ATM: variants seen among roughly 807,000 people sequenced by gnomAD.
ATM encodes the protein serine-protein kinase ATM.
In ATM, 308 loss-of-function variants were observed where a neutral mutation model predicts 387.0. That is an observed-to-expected ratio of 0.80 (90% CI 0.73 to 0.87). The LOEUF is 0.87. Among genes scored for constraint, ATM ranks in the 40% least tolerant of loss-of-function variants. The pLI is 0.00. For synonymous variants in ATM, 1,156 were observed against 1,187.3 expected, an observed-to-expected ratio of 0.97 and a Z score of 0.54; for missense variants, 3,312 against 3,560.9, an observed-to-expected ratio of 0.93 and a Z score of 1.78.
intron 7 of ATM, 38 bp from the exon 8 acceptor site, chr11:108,246,926 C>G (rs2135263630): frequency 6.6e-7 from 1 of 1,524,118 alleles, no homozygotes; most frequent in Non-Finnish European, 9.1e-7. Context: ...AAACAGAGTA[C>G]ATACATAAAA....
At chr11:108,268,972 A>G (rs1279590102) in intron 18 of ATM, among the ~76,000 whole-genome samples, 1 of 152,098 alleles carries the variant, frequency 6.6e-6, no homozygotes, top group African/African-American at 2.4e-5. Context: ...AGTTTTTTGG[A>G]TTTGATTTCA....
Position 108,304,878 on chromosome 11 carries a change from A to AACAG in ATM, c.5674+26_5674+27insACAG. ...GTATTCTATTAAATTTTTAACATTAATACTGTAAACTCAGTTCTAGAGAAA... is the reference window on the plus strand; with the variant it reads ...GTATTCTATTAAATTTTTAACATTAAACAGTACTGTAAACTCAGTTCTAGAGAAA... On this transcript the variant is annotated intron_variant, in intron 37 of 62. Coordinates refer to ENST00000675843, the MANE Select transcript of ATM (RefSeq NM_000051.4). 3 of 1,608,184 alleles carry AACAG rather than the reference A, an allele frequency of 1.9e-6. No homozygotes were observed. The South Asian group carries it at 3.3e-5, about 18-fold the overall frequency.
At chr11:108,252,988 G>C (rs1565388183) in intron 12 of ATM, 76 bp downstream of exon 12, 3 of 1,259,510 alleles carry the variant, frequency 2.4e-6, no homozygotes, top group Non-Finnish European at 3.4e-6. Flanking sequence ...TAGCTGGGTA[G>C]TAGCTGCATC....
Position 108,272,812 on chromosome 11 carries a change from C to T in ATM, c.3244C>T (p.His1082Tyr), listed in dbSNP as rs1302626569. 1 of 1,613,938 alleles carries T rather than the reference C, an allele frequency of 6.2e-7. No individual in the cohort carries two copies. The highest frequency in any genetic ancestry group is 8.5e-7 in the Non-Finnish European group (1 of 1,179,986). The change falls in exon 22 of 63, where the codon CAT (histidine) becomes TAT (tyrosine). Residue 1082 changes from histidine to tyrosine, a missense_variant. His to Tyr is a moderately conservative substitution (Grantham distance 83, BLOSUM62 2). This residue lies in a region of ATM where 1,791 missense variants were observed against 1,804.5 expected (regional missense o/e 0.99). Transcript: ENST00000675843. Reference sequence around the variant, plus strand: ...ATTTACACAATTTCTTGCTGACAATCATCACCAAGTTCGCATGTTGGCTGC... The same window carrying T: ...ATTTACACAATTTCTTGCTGACAATTATCACCAAGTTCGCATGTTGGCTGC... ...EVFTQFLADNHHQVRMLAAES... is the reference protein window; with the variant it reads ...EVFTQFLADNYHQVRMLAAES...
chr11:108,237,827 GA>G (rs1029159457), intron 5 of ATM, among the ~76,000 whole-genome samples: 18 of 149,984 alleles, frequency 1.2e-4, no homozygotes, highest in African/African-American at 4.4e-4. Flanking sequence ...TGCACAATTT[GA>G]GAAGAATAGA....
In ATM at chr11:108,250,782, A is replaced by G. The variant is rs1232968268; in HGVS notation, c.1317A>G (p.Leu439=). ...NCELSPLLMI[L]SQLLPQQRHG... ...AGCTGTCTCCATTACTGATGATACTATCTCAGCTTCTACCCCAACAGCGAC... is the reference window on the plus strand; with the variant it reads ...AGCTGTCTCCATTACTGATGATACTGTCTCAGCTTCTACCCCAACAGCGAC... The change falls in exon 10 of 63, where the codon CTA becomes CTG. Residue 439 remains leucine (L), a synonymous_variant. Coordinates refer to ENST00000675843, the MANE Select transcript of ATM (RefSeq NM_000051.4). The G allele has an allele frequency of 3.7e-6, 6 of 1,613,134 alleles. No homozygotes were observed. The highest frequency in any genetic ancestry group is 1.1e-5 in the South Asian group (1 of 91,078).
At chr11:108,285,570 G>A (rs981795606) in intron 26 of ATM, among the ~76,000 whole-genome samples, 4 of 151,470 alleles carry the variant, frequency 2.6e-5, no homozygotes, top group African/African-American at 9.7e-5. Flanking sequence ...TAAGGGATAA[G>A]TAACCAAACT....
intron 37 of ATM, among the ~76,000 whole-genome samples, chr11:108,306,811 C>T (rs599558): frequency 0.55 from 83,144 of 152,076 alleles, 23,163 homozygotes; most frequent in Middle Eastern, 0.75. Context: ...CTTCTTCATC[C>T]CTTCCCCCAG....
At position 108,315,912 on chromosome 11, in the gene ATM, G is replaced by A. The variant is rs587781584; in HGVS notation, c.6095+1G>A. ...GGAAGATGTTACAACCCATTACTAG[G>A]TAAATTGCATTTTTCTAAACAACGG... On this transcript the variant is annotated splice_donor_variant, in intron 41 of 62. Transcript: ENST00000675843. LOFTEE classifies it high-confidence loss of function. 6.2e-7 allele frequency: 1 copy of A among 1,610,354 alleles called. No homozygotes were observed. The highest frequency in any genetic ancestry group is 8.5e-7 in the Non-Finnish European group (1 of 1,176,750).
intron 57 of ATM, among the ~76,000 whole-genome samples, chr11:108,344,178 TG>T (rs2087978711): frequency 1.3e-5 from 2 of 152,180 alleles, no homozygotes; most frequent in Admixed American, 1.3e-4. Flanking sequence ...GGTGTTGTGA[TG>T]GAAGTCTGTA....
At chr11:108,275,713 G>T (rs1171385134) in intron 22 of ATM, among the ~76,000 whole-genome samples, 1 of 152,196 alleles carries the variant, frequency 6.6e-6, no homozygotes, top group African/African-American at 2.4e-5. Context: ...GGCTTGTAAG[G>T]TTTCTGCCGA....
intron 5 of ATM, among the ~76,000 whole-genome samples, chr11:108,241,738 CTTTCTTTTTTTT>C (rs1014040479): frequency 2.4e-5 from 2 of 82,090 alleles, no homozygotes; most frequent in Non-Finnish European, 4.9e-5. Context: ...GTCTTTCTTT[CTTTCTTTTTTTT>C]TTTTTTTTTT....
chr11:108,257,978 C>G (rs1394596294), intron 15 of ATM, among the ~76,000 whole-genome samples: 1 of 152,166 alleles, frequency 6.6e-6, no homozygotes, highest in Non-Finnish European at 1.5e-5. Context: ...CTCACAGCAG[C>G]CTCGACCTCC....
chr11:108,302,393 G>C (rs2083475842), intron 35 of ATM, among the ~76,000 whole-genome samples: 1 of 152,098 alleles, frequency 6.6e-6, no homozygotes, highest in Non-Finnish European at 1.5e-5. Context: ...CATTGAAGCA[G>C]TACTTTCAGT....
intron 25 of ATM, among the ~76,000 whole-genome samples, chr11:108,284,009 TATG>T (rs1409329922): frequency 6.6e-6 from 1 of 152,144 alleles, no homozygotes. Flanking sequence ...ATCCCATAAT[TATG>T]GTGGTGGTAT....
At chr11:108,302,484 G>A (rs1169206484) in intron 35 of ATM, among the ~76,000 whole-genome samples, 1 of 151,936 alleles carries the variant, frequency 6.6e-6, no homozygotes, top group African/African-American at 2.4e-5. Context: ...AACCTGGAAG[G>A]CATTATAATT....
chr11:108,263,872 A>T (rs1175305878), intron 16 of ATM, among the ~76,000 whole-genome samples: 1 of 151,078 alleles, frequency 6.6e-6, no homozygotes, highest in African/African-American at 2.4e-5. Flanking sequence ...AATAAACTAG[A>T]AAATCTAGAA....
Position 108,267,205 on chromosome 11 carries a change from A to T in ATM, c.2501A>T (p.Glu834Val), listed in dbSNP as rs730881349. The change falls in exon 17 of 63, where the codon GAA becomes GTA. Residue 834 changes from glutamate (E) to valine (V), a missense_variant. Around this residue, in one of 4 missense-constraint regions of ATM, gnomAD observed 1,791 missense variants for 1,804.5 expected, o/e 0.99. Coordinates refer to ENST00000675843, the MANE Select transcript of ATM (RefSeq NM_000051.4). ...SFIKKPFDRG[E>V]VESMEDDTNG... is the part of the protein sequence containing the mutation. The stretch of plus-strand genomic sequence containing the variant: ...ATCAAAAAGCCATTTGACCGTGGAG[A>T]AGTAGAATCAATGGAAGATGATACT... 1.2e-6 allele frequency: 2 copies of T among 1,614,026 alleles called. No homozygotes were observed. Among genetic ancestry groups the T allele is most frequent in the Non-Finnish European group, 1.7e-6 (2 of 1,180,016 alleles).
chr11:108,267,329 C>A lies in ATM; in HGVS notation c.2625C>A (p.Ser875Arg), dbSNP rs1591588785. 6.2e-7 allele frequency: 1 copy of A among 1,613,806 alleles called. No individual in the cohort carries two copies. The highest frequency in any genetic ancestry group is 8.5e-7 in the Non-Finnish European group (1 of 1,179,822). Residue 875 changes from serine (S) to arginine (R), a missense_variant, in exon 17 of 63, where the codon AGC (serine) becomes AGA (arginine). Coordinates refer to ENST00000675843, the MANE Select transcript of ATM (RefSeq NM_000051.4). Reference protein sequence around the residue: ...SVSDANEPGESQSTIGAINPL... With the variant: ...SVSDANEPGERQSTIGAINPL... ...GTGATGCAAACGAACCTGGAGAGAG[C>A]CAAAGTACCATAGGTAAATACATAT...
Sources: allele counts gnomAD v4.1 joint callset (sites outside exome capture counted in the v4.1 genomes callset), GRCh38; gene constraint gnomAD v4.1.1; regional missense constraint gnomAD v4.1.1; transcripts MANE v1.5; gene names NCBI Gene and HGNC (gene_info 2026-07-23, HGNC 2026-07-21).